PXDC1: variants seen among roughly 807,000 people sequenced by gnomAD.
PXDC1 encodes the protein PX domain-containing protein 1.
In PXDC1, 13 loss-of-function variants were observed where a neutral mutation model predicts 24.4. That is an observed-to-expected ratio of 0.53 (90% CI 0.35 to 0.85). The LOEUF (loss-of-function observed/expected upper bound fraction) is 0.85, where lower values mean the gene tolerates loss of function less well. Among genes scored for constraint, PXDC1 ranks in the 40% least tolerant of loss-of-function variants. PXDC1 has a pLI of 0.01. For synonymous variants in PXDC1, 162 were observed against 124.9 expected, an observed-to-expected ratio of 1.30 and a Z score of -1.98; for missense variants, 344 against 309.3, an observed-to-expected ratio of 1.11 and a Z score of -0.84.
Position 3,751,693 on chromosome 6 carries a change from C to CG in PXDC1, c.-163dup. On this transcript the variant is annotated 5_prime_UTR_variant, in exon 1 of 5. Transcript: ENST00000380283. ...TGCGTATGGCCCGCGTTCGGGGCAGCGGGGCGGCGCGGCGGCGAGTGGCTC... is the reference window on the plus strand; with the variant it reads ...TGCGTATGGCCCGCGTTCGGGGCAGCGGGGGCGGCGCGGCGGCGAGTGGCTC... 1 of 1,066,814 alleles carries CG rather than the reference C, an allele frequency of 9.4e-7. No homozygotes were observed. The highest frequency in any genetic ancestry group is 1.2e-6 in the Non-Finnish European group (1 of 845,346). 66.1% of individuals were successfully genotyped at this position (1,066,814 alleles called of 1,614,324 possible).
At chr6:3,739,722 A>G (rs1760412599) in intron 1 of PXDC1, among the ~76,000 whole-genome samples, 4 of 152,226 alleles carry the variant, frequency 2.6e-5, no homozygotes, top group African/African-American at 7.2e-5. Context: ...GAAAACAACA[A>G]AAGTACCAGA....
rs908088403 is a variant in PXDC1 at position 3,722,712 on chromosome 6, A to T, written c.*907T>A. 4 of 152,670 alleles carry T rather than the reference A, an allele frequency of 2.6e-5. No individual in the cohort carries two copies. Among genetic ancestry groups the T allele is most frequent in the Non-Finnish European group, 5.9e-5 (4 of 68,040 alleles). 9.5% of individuals were successfully genotyped at this position (152,670 alleles called of 1,614,324 possible). ...ATAATTTACTATTATTTACATTAGCAAATGTCGGTCGTTAGTAGACACTGA... is the reference window on the plus strand; with the variant it reads ...ATAATTTACTATTATTTACATTAGCTAATGTCGGTCGTTAGTAGACACTGA... On this transcript the variant is annotated 3_prime_UTR_variant, in exon 5 of 5. Transcript: ENST00000380283.
intron 3 of PXDC1, 110 bp from the exon 4 acceptor site, chr6:3,727,772 C>A (rs1164988331): frequency 1.4e-6 from 1 of 706,788 alleles, no homozygotes; most frequent in Non-Finnish European, 2.5e-6. Flanking sequence ...GTTGCCCGTG[C>A]CTCTCTTCCA....
At chr6:3,732,786 A>G (rs1369171425) in intron 3 of PXDC1, among the ~76,000 whole-genome samples, 1 of 152,228 alleles carries the variant, frequency 6.6e-6, no homozygotes, top group East Asian at 1.9e-4. Flanking sequence ...CAGCACCTGC[A>G]GGTCCCCATC....
At chr6:3,731,059 G>C (rs1346260905) in intron 3 of PXDC1, among the ~76,000 whole-genome samples, 2 of 152,230 alleles carry the variant, frequency 1.3e-5, no homozygotes, top group African/African-American at 4.8e-5. Context: ...AAAGAGTCCT[G>C]AGTGATCTAT....
intron 1 of PXDC1, among the ~76,000 whole-genome samples, chr6:3,748,297 G>A (rs901194630): frequency 5.9e-5 from 9 of 152,078 alleles, no homozygotes; most frequent in Admixed American, 2.6e-4. Flanking sequence ...CTAGGGCTGC[G>A]GGACAAGAAA....
intron 1 of PXDC1, chr6:3,739,156 A>G: frequency 2.6e-6 from 3 of 1,166,578 alleles, no homozygotes; most frequent in South Asian, 1.7e-5. Flanking sequence ...AATTCGTTGA[A>G]TAGGTCTATA....
At chr6:3,733,975 C>T (rs1309900726) in intron 3 of PXDC1, among the ~76,000 whole-genome samples, 1 of 152,136 alleles carries the variant, frequency 6.6e-6, no homozygotes, top group Non-Finnish European at 1.5e-5. Flanking sequence ...TGCTGCATCC[C>T]GGGGACAGTC....
chr6:3,732,508 G>A (rs1279685874), intron 3 of PXDC1, among the ~76,000 whole-genome samples: 1 of 152,236 alleles, frequency 6.6e-6, no homozygotes, highest in Non-Finnish European at 1.5e-5. Context: ...TTGCCAGATC[G>A]AAGCTGAGGT....
chr6:3,751,436 G>C lies in PXDC1; in HGVS notation c.96C>G (p.Arg32=), dbSNP rs568155918. 1.3e-6 allele frequency: 2 copies of C among 1,591,374 alleles called. No individual in the cohort carries two copies. Among genetic ancestry groups the C allele is most frequent in the South Asian group, 1.1e-5 (1 of 87,484 alleles). ...TCTCGAAGAACTCCTCTTCGTCGCC[G>C]CGCCGGCTGACGATGAGCCTGCGGA... ...NGIRRLIVSR[R]GDEEEFFEIR... Residue 32 remains arginine, a synonymous_variant, in exon 1 of 5, where the codon CGC becomes CGG. Coordinates refer to ENST00000380283, the MANE Select transcript of PXDC1 (RefSeq NM_183373.4).
rs1759965347 is a variant in PXDC1, at chr6:3,722,624, T to C, written c.*995A>G. ...ACATCCTGGACAGATCAAAGTAGAG[T>C]CATAGATTTTATTTAATTAAAATAG... On this transcript the variant is annotated 3_prime_UTR_variant, in exon 5 of 5. Coordinates refer to ENST00000380283, the MANE Select transcript of PXDC1 (RefSeq NM_183373.4). 6.6e-6 allele frequency: 1 copy of C among 152,480 alleles called. No homozygotes were observed. Among genetic ancestry groups the C allele is most frequent in the Non-Finnish European group, 1.5e-5 (1 of 68,020 alleles). The allele number at this position is 152,480 out of a possible 1,614,324, so 9.4% of individuals were successfully genotyped here.
At chr6:3,747,139 C>T (rs1209419035) in intron 1 of PXDC1, among the ~76,000 whole-genome samples, 3 of 152,066 alleles carry the variant, frequency 2.0e-5, no homozygotes, top group Non-Finnish European at 2.9e-5. Flanking sequence ...ACCCCCTCCC[C>T]CATGTCAACT....
intron 1 of PXDC1, among the ~76,000 whole-genome samples, chr6:3,750,762 G>A (rs1017511245): frequency 2.6e-5 from 4 of 152,136 alleles, no homozygotes; most frequent in East Asian, 3.9e-4. Context: ...GAAGGGCTGC[G>A]TGGCACCTCG....
At position 3,724,542 on chromosome 6, in the gene PXDC1, C is replaced by T. The variant is rs192679892; in HGVS notation, c.579-806G>A. On this transcript the variant is annotated intron_variant, in intron 4 of 4. Coordinates refer to ENST00000380283, the MANE Select transcript of PXDC1 (RefSeq NM_183373.4). This position sits in a 1 kb window ranked among gnomAD's most constrained non-coding sequence, Gnocchi z 4.5. ...ATTCTCCCCAGGAAGGGGGACAGAG[C>T]TGTACGGCTCGTGGGATTTTCCTCC... is the stretch of plus-strand genomic sequence containing the variant. Among the ~76,000 whole-genome samples the T allele has an allele frequency of 1.7e-3, 254 of 152,336 alleles. 2 individuals carry two copies. The highest frequency in any genetic ancestry group is 5.7e-3 in the African/African-American group (238 of 41,588).
chr6:3,737,288 G>T lies in PXDC1; in HGVS notation c.349-92C>A. ...AGAGAGGGCCCCGCTCCTCCGCAGAGGCAGCCTGTGTGATGCAAACGCCCC... is the reference window on the plus strand; with the variant it reads ...AGAGAGGGCCCCGCTCCTCCGCAGATGCAGCCTGTGTGATGCAAACGCCCC... On this transcript the variant is annotated intron_variant, in intron 2 of 4. Transcript: ENST00000380283. This position sits in a 1 kb window ranked among gnomAD's most constrained non-coding sequence, Gnocchi z 5.5. 1.1e-6 allele frequency: 1 copy of T among 878,154 alleles called. No individual in the cohort carries two copies. Among genetic ancestry groups the T allele is most frequent in the African/African-American group, 1.7e-5 (1 of 60,200 alleles). 54.4% of individuals were successfully genotyped at this position (878,154 alleles called of 1,614,324 possible). A position where few individuals can be genotyped will look rare whatever the true frequency, so the allele number is the denominator to read the frequency against.
Position 3,751,624 on chromosome 6 carries a change from C to T in PXDC1, c.-93G>A. The T allele has an allele frequency of 3.7e-6, 5 of 1,358,956 alleles. No individual in the cohort carries two copies. The highest frequency in any genetic ancestry group is 3.1e-5 in the East Asian group (1 of 32,722). 84.2% of individuals were successfully genotyped at this position (1,358,956 alleles called of 1,614,324 possible). A position where few individuals can be genotyped will look rare whatever the true frequency, so the allele number is the denominator to read the frequency against. On this transcript the variant is annotated 5_prime_UTR_variant, in exon 1 of 5. Coordinates refer to ENST00000380283, the MANE Select transcript of PXDC1 (RefSeq NM_183373.4). ...CGGCCGGGGTCGTCCCGGGTCTGTC[C>T]GTGGCCGGGGTCGTCCGGGGTCGGC...
intron 1 of PXDC1, among the ~76,000 whole-genome samples, chr6:3,748,344 G>A (rs1340687045): frequency 2.0e-5 from 3 of 152,146 alleles, no homozygotes; most frequent in Non-Finnish European, 2.9e-5. Context: ...TGGAGAAGAA[G>A]GTCGGGTGGG....
At chr6:3,738,775 A>G (rs893129124) in intron 1 of PXDC1, 11 of 1,298,624 alleles carry the variant, frequency 8.5e-6, no homozygotes, top group Non-Finnish European at 1.0e-5. Context: ...CAGGCAGCAT[A>G]ATATTTTATT....
chr6:3,736,931 C>T, intron 3 of PXDC1, 148 bp downstream of exon 3: 1 of 673,146 alleles, frequency 1.5e-6, no homozygotes, highest in Non-Finnish European at 2.7e-6. Context: ...AATCAGGCAA[C>T]AGTCTCTCCC....
Sources: gnomAD v4.1 joint callset for allele counts (sites outside exome capture counted in the v4.1 genomes callset) on GRCh38, gnomAD v4.1.1 for gene constraint, Gnocchi (gnomAD v3.1) non-coding constraint, MANE v1.5 for transcripts, NCBI Gene and HGNC (gene_info 2026-07-23, HGNC 2026-07-21) for gene names.